The following SH3BGR variants were observed in gnomAD, a reference collection of about 807,000 sequenced individuals.
SH3BGR encodes SH3 domain-binding glutamic acid-rich protein.
A neutral mutation model predicts 24.5 loss-of-function variants in SH3BGR; 29 were observed. That is an observed-to-expected ratio of 1.18 (90% CI 0.88 to 1.61). The LOEUF (loss-of-function observed/expected upper bound fraction) is 1.61. SH3BGR is among the 40% of genes most tolerant of loss of function. The pLI is 0.00. For missense variants in SH3BGR, 162 were observed against 205.8 expected, an observed-to-expected ratio of 0.79 and a Z score of 1.30; for synonymous variants, 55 against 65.7, an observed-to-expected ratio of 0.84 and a Z score of 0.79.
At chr21:39,462,904 A>G (rs1415352403) in intron 2 of SH3BGR, among the ~76,000 whole-genome samples, 2 of 152,204 alleles carry the variant, frequency 1.3e-5, no homozygotes, top group Non-Finnish European at 2.9e-5. Flanking sequence ...GCAGAGGAAC[A>G]TGGTAAGTTT....
chr21:39,498,656 G>A (rs2078438204), intron 3 of SH3BGR, among the ~76,000 whole-genome samples: 1 of 152,322 alleles, frequency 6.6e-6, no homozygotes, highest in Non-Finnish European at 1.5e-5. Context: ...TGGTGATGTA[G>A]TGGGAGAGGC....
intron 3 of SH3BGR, among the ~76,000 whole-genome samples, chr21:39,480,446 T>C (rs956188010): frequency 6.6e-6 from 1 of 152,212 alleles, no homozygotes; most frequent in Admixed American, 6.5e-5. Flanking sequence ...CCATACACCA[T>C]GGGGTCCTTT....
chr21:39,503,248 A>C (rs9983428), intron 4 of SH3BGR, among the ~76,000 whole-genome samples: 72,123 of 152,100 alleles, frequency 0.47, 18,061 homozygotes, highest in East Asian at 0.68. Context: ...TTTTATTCTG[A>C]AATAACTATA....
At chr21:39,451,112 C>T (rs1000398480), upstream of SH3BGR, among the ~76,000 whole-genome samples, 3 of 152,130 alleles carry the variant, frequency 2.0e-5, no homozygotes, top group Admixed American at 2.0e-4. Context: ...TGAGACACTG[C>T]CCCGGACCTT....
chr21:39,491,411 A>T (rs1251949689), intron 3 of SH3BGR: 1 of 156,578 alleles, frequency 6.4e-6, no homozygotes, highest in African/African-American at 2.4e-5. Flanking sequence ...TGGCCTCCCA[A>T]AGTGTTGTTG....
intron 3 of SH3BGR, among the ~76,000 whole-genome samples, chr21:39,497,603 C>A (rs1033973916): frequency 4.0e-5 from 6 of 151,470 alleles, no homozygotes; most frequent in African/African-American, 1.5e-4. Context: ...ACAAACAACT[C>A]AAGTAAAAAT....
intron 3 of SH3BGR, among the ~76,000 whole-genome samples, chr21:39,478,751 C>G (rs2078068741): frequency 6.6e-6 from 1 of 151,846 alleles, no homozygotes; most frequent in Admixed American, 6.6e-5. Context: ...GGGATATTTT[C>G]TTAATTTTCT....
chr21:39,485,988 G>T (rs564638532), intron 3 of SH3BGR, among the ~76,000 whole-genome samples: 2 of 152,196 alleles, frequency 1.3e-5, no homozygotes, highest in African/African-American at 2.4e-5. Flanking sequence ...ACGCCCGGCC[G>T]GTCTCAAAGT....
At chr21:39,465,033 A>T (rs1435076648) in intron 2 of SH3BGR, among the ~76,000 whole-genome samples, 1 of 152,026 alleles carries the variant, frequency 6.6e-6, no homozygotes, top group Non-Finnish European at 1.5e-5. Flanking sequence ...CCCAGGCTGG[A>T]GTGCAGTGGT....
At chr21:39,496,912 A>C (rs971423994) in intron 3 of SH3BGR, among the ~76,000 whole-genome samples, 4 of 152,162 alleles carry the variant, frequency 2.6e-5, no homozygotes, top group African/African-American at 9.6e-5. Context: ...ATAAATGTTT[A>C]GTGCTATTTC....
At chr21:39,468,950 C>A (rs1367785088) in intron 2 of SH3BGR, among the ~76,000 whole-genome samples, 3 of 150,960 alleles carry the variant, frequency 2.0e-5, no homozygotes, top group Admixed American at 6.6e-5. Flanking sequence ...ACTGTTTAGG[C>A]TTTCTACTTT....
chr21:39,452,140 C>T lies in SH3BGR; in HGVS notation c.44C>T (p.Ala15Val), dbSNP rs772551170. The T allele has an allele frequency of 7.4e-6, 12 of 1,614,000 alleles. No homozygotes were observed. The highest frequency in any genetic ancestry group is 1.6e-4 in the Middle Eastern group (1 of 6,084). ...GTTGCTACATCTTCTGGGTCCATAG[C>T]GGTAGGTGTCTGGTGGACTCTTTCT... ...VFVATSSGSI[A>V]IRKKQQEVVG... Residue 15 changes from alanine (A) to valine (V), a missense_variant and splice_region_variant, in exon 1 of 7, where the codon GCG becomes GTG. By Grantham distance (64) the Ala-to-Val change is moderately conservative. Transcript: ENST00000333634.
intron 3 of SH3BGR, among the ~76,000 whole-genome samples, chr21:39,483,393 C>T (rs957977302): frequency 6.6e-6 from 1 of 152,202 alleles, no homozygotes; most frequent in Non-Finnish European, 1.5e-5. Context: ...AGGGACATCC[C>T]ACTTCCTAGA....
chr21:39,474,128 C>G (rs577244401), intron 2 of SH3BGR, among the ~76,000 whole-genome samples: 1 of 151,862 alleles, frequency 6.6e-6, no homozygotes, highest in Non-Finnish European at 1.5e-5. Flanking sequence ...CCACCGTGCC[C>G]GGCTAATTTT....
At chr21:39,451,856 T>G, upstream of SH3BGR, 1 of 1,585,934 alleles carries the variant, frequency 6.3e-7, no homozygotes, top group Non-Finnish European at 8.6e-7. Flanking sequence ...AATCAAATAT[T>G]TTCCTGACAG....
chr21:39,474,761 A>G (rs1028641662), intron 2 of SH3BGR, among the ~76,000 whole-genome samples: 1 of 152,174 alleles, frequency 6.6e-6, no homozygotes, highest in African/African-American at 2.4e-5. Flanking sequence ...GTATCATCTC[A>G]GTCTCAGCTG....
At chr21:39,469,125 T>A (rs901587535) in intron 2 of SH3BGR, among the ~76,000 whole-genome samples, 2 of 151,888 alleles carry the variant, frequency 1.3e-5, no homozygotes, top group African/African-American at 4.8e-5. Flanking sequence ...AAGTCTAGTA[T>A]AACATTTTTT....
chr21:39,475,131 C>T lies in SH3BGR; in HGVS notation c.232-4C>T. 6.3e-7 allele frequency: 1 copy of T among 1,592,470 alleles called. No individual in the cohort carries two copies. Among genetic ancestry groups the T allele is most frequent in the Non-Finnish European group, 8.6e-7 (1 of 1,162,238 alleles). ...TTTTAAACTTTCTTTTTCTTTGCTT[C>T]AAGGATTTTGACTCTTTCTTCTCTG... is the stretch of plus-strand genomic sequence containing the variant. On this transcript the variant is annotated splice_region_variant and splice_polypyrimidine_tract_variant and intron_variant, in intron 2 of 6. Transcript: ENST00000333634.
chr21:39,506,749 A>G (rs1426990277), intron 4 of SH3BGR, among the ~76,000 whole-genome samples: 1 of 152,112 alleles, frequency 6.6e-6, no homozygotes, highest in East Asian at 1.9e-4. Flanking sequence ...TCAAGGTGAG[A>G]TTTGGGTGGG....
Sources: gnomAD v4.1 joint callset for allele counts (sites outside exome capture counted in the v4.1 genomes callset) on GRCh38, gnomAD v4.1.1 for gene constraint, MANE v1.5 for transcripts, NCBI Gene and HGNC (gene_info 2026-07-23, HGNC 2026-07-21) for gene names.